The following STPG2 variants were observed in gnomAD, a reference collection of about 807,000 sequenced individuals.
STPG2 encodes the protein sperm tail PG-rich repeat containing 2, also known as sperm-tail PG-rich repeat-containing protein 2.
A neutral mutation model predicts 54.2 loss-of-function variants in STPG2; 56 were observed. That is an observed-to-expected ratio of 1.03 (90% CI 0.83 to 1.29). The LOEUF (loss-of-function observed/expected upper bound fraction) is 1.29, where lower values mean the gene tolerates loss of function less well. Ranked by LOEUF, STPG2 falls within the 50% of genes most tolerant of loss-of-function variation. STPG2 has a pLI of 0.00. For missense variants in STPG2, 596 were observed against 544.9 expected, an observed-to-expected ratio of 1.09 and a Z score of -0.93; for synonymous variants, 200 against 181.8, an observed-to-expected ratio of 1.10 and a Z score of -0.81.
At chr4:97,850,537 T>C (rs556213264) in intron 8 of STPG2, among the ~76,000 whole-genome samples, 35 of 152,032 alleles carry the variant, frequency 2.3e-4, no homozygotes, top group African/African-American at 7.7e-4. Flanking sequence ...TCATAAGAAG[T>C]ATCTAGACTT....
intron 5 of STPG2, among the ~76,000 whole-genome samples, chr4:98,097,872 T>C (rs1738907633): frequency 6.6e-6 from 1 of 152,090 alleles, no homozygotes; most frequent in African/African-American, 2.4e-5. Flanking sequence ...CCATTTACAA[T>C]AGCCACAGAT....
At chr4:97,966,495 C>A (rs566409982) in intron 7 of STPG2, among the ~76,000 whole-genome samples, 21 of 152,126 alleles carry the variant, frequency 1.4e-4, no homozygotes, top group African/African-American at 4.8e-4. Flanking sequence ...CAAGGCAGGC[C>A]AACATTCAAA....
chr4:97,719,617 C>G (rs960840775), intron 9 of STPG2, among the ~76,000 whole-genome samples: 1 of 151,800 alleles, frequency 6.6e-6, no homozygotes, highest in Admixed American at 6.6e-5. Context: ...ATAAACCTTC[C>G]GAAATTCTGG....
chr4:97,713,198 G>A (rs1724186392), intron 9 of STPG2, among the ~76,000 whole-genome samples: 1 of 152,172 alleles, frequency 6.6e-6, no homozygotes, highest in African/African-American at 2.4e-5. Flanking sequence ...GAAGCAGAAA[G>A]GTGCTTTAAT....
chr4:97,764,959 G>A (rs1035005973), intron 9 of STPG2, among the ~76,000 whole-genome samples: 2 of 152,098 alleles, frequency 1.3e-5, no homozygotes, highest in Non-Finnish European at 1.5e-5. Flanking sequence ...CCCCATCATA[G>A]TTTTGAAGTT....
intron 9 of STPG2, among the ~76,000 whole-genome samples, chr4:97,812,486 G>A (rs1197424305): frequency 6.6e-6 from 1 of 151,948 alleles, no homozygotes; most frequent in African/African-American, 2.4e-5. Flanking sequence ...TATCTAAGAG[G>A]CTTTTCATAC....
intron 9 of STPG2, among the ~76,000 whole-genome samples, chr4:97,742,556 TGTG>T (rs1725287579): frequency 1.4e-5 from 2 of 145,416 alleles, no homozygotes; most frequent in African/African-American, 2.5e-5. Flanking sequence ...TGTGTGTGTG[TGTG>T]TGTGTGTCTA....
chr4:97,929,659 G>C (rs1350823907), intron 8 of STPG2, among the ~76,000 whole-genome samples: 1 of 152,022 alleles, frequency 6.6e-6, no homozygotes, highest in Non-Finnish European at 1.5e-5. Context: ...TTGATTGTTG[G>C]CCACATGTAT....
At chr4:97,940,720 A>C (rs1348355274) in intron 8 of STPG2, among the ~76,000 whole-genome samples, 1 of 152,174 alleles carries the variant, frequency 6.6e-6, no homozygotes, top group Non-Finnish European at 1.5e-5. Flanking sequence ...TGTGATTTTA[A>C]AATAAACCAA....
At chr4:97,668,701 AAAAC>A (rs1722602987) in intron 10 of STPG2, among the ~76,000 whole-genome samples, 1 of 151,926 alleles carries the variant, frequency 6.6e-6, no homozygotes, top group Non-Finnish European at 1.5e-5. Context: ...GAAGAAAAGA[AAAAC>A]AAAAGAAAAG....
chr4:97,536,452 G>A (rs918180788), intron 4 of STPG2, among the ~76,000 whole-genome samples: 1 of 152,136 alleles, frequency 6.6e-6, no homozygotes, highest in African/African-American at 2.4e-5. Context: ...TTGTGAAGAA[G>A]GTACTTGCTT....
chr4:98,013,137 T>C (rs1025018780), intron 5 of STPG2, among the ~76,000 whole-genome samples: 3 of 152,212 alleles, frequency 2.0e-5, no homozygotes, highest in Admixed American at 1.3e-4. Flanking sequence ...CAATACCTAG[T>C]TTATTGAGAG....
chr4:97,447,326 G>T (rs938107749), intron 4 of STPG2, among the ~76,000 whole-genome samples: 1 of 152,166 alleles, frequency 6.6e-6, no homozygotes, highest in Non-Finnish European at 1.5e-5. Flanking sequence ...TCTATTTTCT[G>T]GGGAGAAATT....
chr4:97,507,436 A>C (rs566987216), intron 4 of STPG2, among the ~76,000 whole-genome samples: 3 of 152,246 alleles, frequency 2.0e-5, no homozygotes, highest in Admixed American at 6.6e-5. Flanking sequence ...GCAGCTCTTA[A>C]CACATCTTTC....
intron 7 of STPG2, among the ~76,000 whole-genome samples, chr4:97,948,864 CTGA>C (rs1733352711): frequency 6.6e-6 from 1 of 152,018 alleles, no homozygotes. Flanking sequence ...GTTCCATGTG[CTGA>C]TGAGAAGAAT....
intron 4 of STPG2, among the ~76,000 whole-genome samples, chr4:97,492,644 AC>A (rs1730526463): frequency 7.6e-6 from 1 of 130,834 alleles, no homozygotes; most frequent in East Asian, 2.0e-4. Context: ...AATGATAAAA[AC>A]TTTTTTTTTT....
At chr4:97,531,563 T>C (rs905703469) in intron 4 of STPG2, among the ~76,000 whole-genome samples, 3 of 152,092 alleles carry the variant, frequency 2.0e-5, no homozygotes, top group African/African-American at 4.8e-5. Flanking sequence ...TGCAACAACA[T>C]TGATGGAAAT....
intron 5 of STPG2, among the ~76,000 whole-genome samples, chr4:98,084,670 T>A (rs779886669): frequency 1.3e-5 from 2 of 152,208 alleles, no homozygotes; most frequent in Non-Finnish European, 2.9e-5. Flanking sequence ...GGTGCCTTGG[T>A]ATGTCACTGT....
intron 5 of STPG2, among the ~76,000 whole-genome samples, chr4:98,018,272 G>T (rs1358015895): frequency 5.3e-5 from 8 of 151,968 alleles, no homozygotes; most frequent in African/African-American, 1.9e-4. Context: ...GCGGTGTTTG[G>T]TTTTTTGTCC....
Sources: allele counts gnomAD v4.1 joint callset (sites outside exome capture counted in the v4.1 genomes callset), GRCh38; gene constraint gnomAD v4.1.1; transcripts MANE v1.5; gene names NCBI Gene and HGNC (gene_info 2026-07-23, HGNC 2026-07-21).